The following PCDHGA2 variants were observed in gnomAD, a reference collection of about 807,000 sequenced individuals.
PCDHGA2 encodes protocadherin gamma-A2.
In PCDHGA2, 40 loss-of-function variants were observed where a neutral mutation model predicts 59.2. That is an observed-to-expected ratio of 0.68 (90% CI 0.52 to 0.88). The LOEUF (loss-of-function observed/expected upper bound fraction) is 0.88. Among genes scored for constraint, PCDHGA2 ranks in the 40% least tolerant of loss-of-function variants. The pLI is 0.00. For missense variants in PCDHGA2, 1,226 were observed against 1,204.0 expected, an observed-to-expected ratio of 1.02 and a Z score of -0.27; for synonymous variants, 560 against 526.0, an observed-to-expected ratio of 1.06 and a Z score of -0.89.
At position 141,371,145 on chromosome 5, in the gene PCDHGA2, G is replaced by A. The variant is rs144065486; in HGVS notation, c.2424+29750G>A. The stretch of plus-strand genomic sequence containing the variant: ...TACTCAGGACATGTACAGGGTCAAT[G>A]TTGCAGAGAACCTGCCCGCTGGCTC... On this transcript the variant is annotated intron_variant, in intron 1 of 3. Coordinates refer to ENST00000394576, the MANE Select transcript of PCDHGA2 (RefSeq NM_018915.4). 54 of 1,614,030 alleles carry A rather than the reference G, an allele frequency of 3.3e-5. No individual in the cohort carries two copies. The African/African-American group carries it at 6.0e-4, about 18-fold the overall frequency.
chr5:141,447,226 G>A (rs746777844), intron 1 of PCDHGA2, among the ~76,000 whole-genome samples: 1 of 151,910 alleles, frequency 6.6e-6, no homozygotes, highest in Non-Finnish European at 1.5e-5. Context: ...TGCAACCTCC[G>A]CCTCCCGGGT....
chr5:141,388,631 G>T, intron 1 of PCDHGA2: 2 of 1,613,960 alleles, frequency 1.2e-6, no homozygotes, highest in Non-Finnish European at 1.7e-6. Context: ...TATACAGGGT[G>T]AGCCTTTCAG....
At position 141,489,871 on chromosome 5, in the gene PCDHGA2, G is replaced by C; in HGVS notation, c.2425-4936G>C. ...TGAAGCCCAGGCAAGACATCAGCTGGTGCTTACTGCTGTGGATGGGGGGAC... is the reference window on the plus strand; with the variant it reads ...TGAAGCCCAGGCAAGACATCAGCTGCTGCTTACTGCTGTGGATGGGGGGAC... On this transcript the variant is annotated intron_variant, in intron 1 of 3. Coordinates refer to ENST00000394576, the MANE Select transcript of PCDHGA2 (RefSeq NM_018915.4). The surrounding 1 kb of genome is among the most constrained non-coding windows in gnomAD (Gnocchi z 4.5). 1 of 1,614,206 alleles carries C rather than the reference G, an allele frequency of 6.2e-7. No individual in the cohort carries two copies.
chr5:141,404,630 C>T (rs1391155615), intron 1 of PCDHGA2: 1 of 1,614,154 alleles, frequency 6.2e-7, no homozygotes, highest in Admixed American at 1.7e-5. Flanking sequence ...TGACAATGCC[C>T]CAGAAATCCT....
chr5:141,424,408 T>G (rs942542788), intron 1 of PCDHGA2: 1 of 152,224 alleles, frequency 6.6e-6, no homozygotes, highest in Non-Finnish European at 1.5e-5. Flanking sequence ...TATGGTGAAG[T>G]TACATTGACT....
intron 1 of PCDHGA2, chr5:141,392,622 A>C: frequency 3.6e-6 from 2 of 558,650 alleles, no homozygotes; most frequent in Non-Finnish European, 6.1e-6. Flanking sequence ...AACCGAAAAC[A>C]CTCAGATCTC....
chr5:141,347,062 C>T (rs1469415681), intron 1 of PCDHGA2, among the ~76,000 whole-genome samples: 1 of 149,700 alleles, frequency 6.7e-6, no homozygotes, highest in African/African-American at 2.5e-5. Flanking sequence ...CTCCTTCCTT[C>T]CTTCCTTCCT....
chr5:141,410,115 C>T, intron 1 of PCDHGA2: 1 of 1,612,624 alleles, frequency 6.2e-7, no homozygotes. Context: ...AGGGACGCAG[C>T]CCGCCAGCGC....
At chr5:141,497,092 G>C (rs2099773958) in intron 2 of PCDHGA2, among the ~76,000 whole-genome samples, 1 of 152,092 alleles carries the variant, frequency 6.6e-6, no homozygotes, top group Admixed American at 6.5e-5. Flanking sequence ...AGGAGGCTGA[G>C]GCAGAACTGC....
chr5:141,391,797 A>G (rs1283933191), intron 1 of PCDHGA2: 1 of 152,180 alleles, frequency 6.6e-6, no homozygotes, highest in African/African-American at 2.4e-5. Context: ...AGTTTTTTAG[A>G]TCAAAGTGTT....
Position 141,339,890 on chromosome 5 carries a change from C to G in PCDHGA2, c.919C>G (p.Leu307Val). 3 of 1,614,042 alleles carry G rather than the reference C, an allele frequency of 1.9e-6. No individual in the cohort carries two copies. The highest frequency in any genetic ancestry group is 2.5e-6 in the Non-Finnish European group (3 of 1,179,956). The change falls in exon 1 of 4, where the codon CTA (leucine) becomes GTA (valine). Residue 307 changes from leucine (L) to valine (V), a missense_variant. Leu to Val is a conservative substitution (Grantham distance 32). Transcript: ENST00000394576. ...TGGAGAACTGACAATCATAAAAGAT[C>G]TAGATTATGAGGATGCTACATTCCA... ...TSGELTIIKD[L>V]DYEDATFHEI...
Position 141,493,957 on chromosome 5 carries a change from G to A in PCDHGA2, c.2425-850G>A, listed in dbSNP as rs1360777586. 6.6e-6 allele frequency among the ~76,000 whole-genome samples: 1 copy of A among 152,228 alleles called. No individual in the cohort carries two copies. The highest frequency in any genetic ancestry group is 2.4e-5 in the African/African-American group (1 of 41,458). On this transcript the variant is annotated intron_variant, in intron 1 of 3. Coordinates refer to ENST00000394576, the MANE Select transcript of PCDHGA2 (RefSeq NM_018915.4). This position sits in a 1 kb window ranked among gnomAD's most constrained non-coding sequence, Gnocchi z 4.3. ...AGACCAGAAGGGACTCAGGAATGAA[G>A]TGGCTGGCCAGAGCCCCACACCTTC... is the stretch of plus-strand genomic sequence containing the variant.
rs766746841 is a variant in PCDHGA2 at position 141,374,327 on chromosome 5, G to A, written c.2424+32932G>A. 1.2e-5 allele frequency: 20 copies of A among 1,613,866 alleles called. No individual in the cohort carries two copies. In the East Asian group the frequency reaches 4.0e-4, roughly 32 times the overall value. ...GCTTTTCTCTCTGAATCCGCGAAAC[G>A]GCAGCTTGGTCACCGCGGGTAGGAT... is the stretch of plus-strand genomic sequence containing the variant. On this transcript the variant is annotated intron_variant, in intron 1 of 3. Coordinates refer to ENST00000394576, the MANE Select transcript of PCDHGA2 (RefSeq NM_018915.4).
chr5:141,504,228 C>T lies in PCDHGA2; in HGVS notation c.2484-1165C>T, dbSNP rs114896014. Among the ~76,000 whole-genome samples, 193 of 152,312 alleles carry T rather than the reference C, an allele frequency of 1.3e-3. 1 individual carries two copies. The highest frequency in any genetic ancestry group is 2.1e-3 in the Admixed American group (32 of 15,304). ...AAAATTCCAAGTAGAGCTGAACCTT[C>T]TAAGAAGCAGAGAGTTCTTCTTATG... On this transcript the variant is annotated intron_variant, in intron 2 of 3. Coordinates refer to ENST00000394576, the MANE Select transcript of PCDHGA2 (RefSeq NM_018915.4).
intron 1 of PCDHGA2, chr5:141,344,370 A>G (rs1757409142): frequency 1.9e-6 from 3 of 1,613,416 alleles, no homozygotes; most frequent in Non-Finnish European, 1.7e-6. Context: ...GGTTGAGGAT[A>G]AATTGAAAAT....
chr5:141,423,141 G>A, intron 1 of PCDHGA2: 1 of 1,613,580 alleles, frequency 6.2e-7, no homozygotes, highest in Non-Finnish European at 8.5e-7. Context: ...ACAGAGACGC[G>A]CTCAAGCAGA....
chr5:141,510,825 G>C, intron 3 of PCDHGA2, 122 bp from the exon 4 acceptor site: 2 of 1,566,486 alleles, frequency 1.3e-6, no homozygotes, highest in Non-Finnish European at 1.7e-6. Flanking sequence ...TATATTCCCA[G>C]TGCTCAGCGT....
chr5:141,357,256 G>T (rs1201064844), intron 1 of PCDHGA2: 1 of 1,613,738 alleles, frequency 6.2e-7, no homozygotes, highest in South Asian at 1.1e-5. Flanking sequence ...AGACCCAGAC[G>T]ACTCGGGCCT....
At chr5:141,510,158 A>G (rs1406170246) in intron 3 of PCDHGA2, among the ~76,000 whole-genome samples, 1 of 152,018 alleles carries the variant, frequency 6.6e-6, no homozygotes, top group African/African-American at 2.4e-5. Flanking sequence ...CTGTAATCTC[A>G]GCTACTCAGG....
Sources: allele counts gnomAD v4.1 joint callset (sites outside exome capture counted in the v4.1 genomes callset), GRCh38; gene constraint gnomAD v4.1.1; non-coding constraint Gnocchi (gnomAD v3.1); transcripts MANE v1.5; gene names NCBI Gene and HGNC (gene_info 2026-07-23, HGNC 2026-07-21).